The following LEO1 variants were observed in gnomAD, a reference collection of about 807,000 sequenced individuals.
The protein encoded by LEO1 is LEO1 component of Paf1/RNA polymerase II complex.
LEO1 carries 34 observed loss-of-function variants against 80.4 expected under a neutral mutation model. The ratio of observed to expected loss-of-function variants is 0.42; its 90% CI spans 0.32 to 0.56. The LOEUF is 0.56. Among genes scored for constraint, LEO1 ranks in the 20% least tolerant of loss-of-function variants. LEO1 has a pLI of 0.10. For synonymous variants in LEO1, 262 were observed against 274.9 expected (o/e 0.95, Z 0.46); for missense variants, 631 against 814.2 (o/e 0.77, Z 2.74).
chr15:51,938,279 T>G lies in LEO1; in HGVS notation c.1897-19A>C, dbSNP rs2056818342. The G allele has an allele frequency of 7.3e-7, 1 of 1,374,830 alleles. No individual in the cohort carries two copies. Among genetic ancestry groups the G allele is most frequent in the Non-Finnish European group, 1.0e-6 (1 of 982,048 alleles). The allele number at this position is 1,374,830 out of a possible 1,614,324, so 85.2% of individuals were successfully genotyped here. A position where few individuals can be genotyped will look rare whatever the true frequency, so the allele number is the denominator to read the frequency against. On this transcript the variant is annotated intron_variant, in intron 11 of 11. Transcript: ENST00000299601. ...CACCTTCCTAAACAGATACAATTTT[T>G]ACAAATCTACAAGTCAATAAAGAAC...
rs1246926207 is a variant in LEO1, at chr15:51,971,387, A to G, written c.58+301T>C. ...CAAGGCAAGGCGGAACAGGACTCCAACGTTCCTACCCGCGCTGCGCAGGCT... is the reference window on the plus strand; with the variant it reads ...CAAGGCAAGGCGGAACAGGACTCCAGCGTTCCTACCCGCGCTGCGCAGGCT... On this transcript the variant is annotated intron_variant, in intron 1 of 11. Transcript: ENST00000299601. 2.0e-5 allele frequency among the ~76,000 whole-genome samples: 3 copies of G among 152,130 alleles called. 1 individual carries two copies. The highest frequency in any genetic ancestry group is 2.9e-5 in the Non-Finnish European group (2 of 68,008).
intron 1 of LEO1, among the ~76,000 whole-genome samples, chr15:51,968,951 C>T (rs1264395731): frequency 2.0e-5 from 3 of 151,914 alleles, no homozygotes; most frequent in African/African-American, 7.3e-5. Flanking sequence ...ACAATAAAAC[C>T]AATTTCTTTG....
chr15:51,962,925 G>GCC (rs35454454), intron 2 of LEO1, among the ~76,000 whole-genome samples: 20,445 of 146,434 alleles, frequency 0.14, 1,733 homozygotes, highest in Admixed American at 0.27. Context: ...TGCAGAACAT[G>GCC]CCCCCCCCCC....
In LEO1 at chr15:51,945,262, C is replaced by CAAAAA. The variant is rs71130110; in HGVS notation, c.1896+2025_1896+2029dup. 2.7e-4 allele frequency among the ~76,000 whole-genome samples: 22 copies of CAAAAA among 80,370 alleles called. 2 individuals carry two copies. The highest frequency in any genetic ancestry group is 6.8e-4 in the African/African-American group (14 of 20,632). The allele number at this position is 80,370 out of a possible 152,430, so 52.7% of individuals were successfully genotyped here. On this transcript the variant is annotated intron_variant, in intron 11 of 11. Coordinates refer to ENST00000299601, the MANE Select transcript of LEO1 (RefSeq NM_138792.4). ...TGAAACCCCATCTCTACAAAAAATA[C>CAAAAA]AAAAAAAAAAAAAAAAAGCCTTACA...
chr15:51,956,422 C>CAAAA (rs34613118), intron 6 of LEO1, among the ~76,000 whole-genome samples: 2 of 78,540 alleles, frequency 2.5e-5, no homozygotes, highest in African/African-American at 5.5e-5. Flanking sequence ...GACTCCATCT[C>CAAAA]AAAAAAAAAA....
chr15:51,958,289 C>G (rs2057004639), intron 6 of LEO1, among the ~76,000 whole-genome samples: 1 of 126,090 alleles, frequency 7.9e-6, no homozygotes, highest in South Asian at 2.4e-4. Flanking sequence ...GACCTCATAT[C>G]TACAGAAAAA....
chr15:51,953,205 C>T lies in LEO1; in HGVS notation c.1399G>A (p.Asp467Asn). 1 of 1,613,986 alleles carries T rather than the reference C, an allele frequency of 6.2e-7. No homozygotes were observed. The highest frequency in any genetic ancestry group is 8.5e-7 in the Non-Finnish European group (1 of 1,179,842). The stretch of plus-strand genomic sequence containing the variant: ...TGTCTTATAAAAAGATGATTGTGGT[C>T]GCCCTGCAGTGGGGCTTTGTACACA... ...FDVYKAPLQG[D>N]HNHLFIRQGT... Residue 467 changes from aspartate to asparagine, a missense_variant, in exon 8 of 12, where the codon GAC (aspartate) becomes AAC (asparagine). By Grantham distance (23) the Asp-to-Asn change is conservative. Around this residue, in one of 4 missense-constraint regions of LEO1, gnomAD observed 95 missense variants for 171.7 expected, o/e 0.55. Transcript: ENST00000299601.
At chr15:51,969,838 T>TA (rs58342384) in intron 1 of LEO1, among the ~76,000 whole-genome samples, 999 of 89,924 alleles carry the variant, frequency 0.011, 15 homozygotes, top group African/African-American at 0.038. Context: ...GAGACTCCGT[T>TA]AAAAAAAAAA....
At chr15:51,939,743 GTGTGTT>G (rs2056832316) in intron 11 of LEO1, among the ~76,000 whole-genome samples, 1 of 152,186 alleles carries the variant, frequency 6.6e-6, no homozygotes, top group African/African-American at 2.4e-5. Flanking sequence ...GTGAGCCTTG[GTGTGTT>G]TGTCTTTTCA....
At chr15:51,968,052 C>T (rs2057092360) in intron 1 of LEO1, among the ~76,000 whole-genome samples, 1 of 151,680 alleles carries the variant, frequency 6.6e-6, no homozygotes, top group Non-Finnish European at 1.5e-5. Flanking sequence ...GGCATGGTGG[C>T]TTACGCCTGT....
Position 51,960,023 on chromosome 15 carries a change from C to T in LEO1, c.1036G>A (p.Asp346Asn). 1 of 1,612,808 alleles carries T rather than the reference C, an allele frequency of 6.2e-7. No homozygotes were observed. The highest frequency in any genetic ancestry group is 8.5e-7 in the Non-Finnish European group (1 of 1,179,678). Reference sequence around the variant, plus strand: ...GGAATTGGCTCCTCTTCCTGTTGATCCTGAGGCAATCCATTTTCATCCTAG... The same window carrying T: ...GGAATTGGCTCCTCTTCCTGTTGATTCTGAGGCAATCCATTTTCATCCTAG... ...QPVDENGLPQDQQEEEPIPET... is the reference protein window; with the variant it reads ...QPVDENGLPQNQQEEEPIPET... The change falls in exon 5 of 12, where the codon GAT becomes AAT. Residue 346 changes from aspartate (D) to asparagine (N), a missense_variant. This residue lies in a region of LEO1 where 95 missense variants were observed against 171.7 expected (regional missense o/e 0.55). Transcript: ENST00000299601.
intron 11 of LEO1, among the ~76,000 whole-genome samples, chr15:51,943,992 A>G (rs2141744474): frequency 6.6e-6 from 1 of 152,290 alleles, no homozygotes; most frequent in East Asian, 1.9e-4. Context: ...ACACACCAAC[A>G]TACACCTAAT....
At chr15:51,945,998 C>A (rs2056897421) in intron 11 of LEO1, among the ~76,000 whole-genome samples, 1 of 151,588 alleles carries the variant, frequency 6.6e-6, no homozygotes, top group African/African-American at 2.4e-5. Flanking sequence ...CACGCCACTG[C>A]ACTCCAGCCT....
chr15:51,951,749 G>A (rs1055479195), intron 9 of LEO1, 95 bp downstream of exon 9: 2 of 1,080,992 alleles, frequency 1.9e-6, no homozygotes, highest in Admixed American at 2.0e-5. Context: ...AGAGGAAAAG[G>A]TAGGCCAATA....
At chr15:51,952,397 TAAGA>T (rs2056956578) in intron 8 of LEO1, 1 of 151,910 alleles carries the variant, frequency 6.6e-6, no homozygotes, top group Non-Finnish European at 1.5e-5. Context: ...AAAAAGAGGT[TAAGA>T]AAGTGGCACA....
At chr15:51,952,944 A>G (rs1466658464) in intron 8 of LEO1, among the ~76,000 whole-genome samples, 185 bp downstream of exon 8, 4 of 152,224 alleles carry the variant, frequency 2.6e-5, no homozygotes, top group Non-Finnish European at 5.9e-5. Context: ...CTGGTTCCCT[A>G]AGAAACAGCA....
chr15:51,943,826 G>C (rs1010276094), intron 11 of LEO1, among the ~76,000 whole-genome samples: 1 of 150,818 alleles, frequency 6.6e-6, no homozygotes, highest in Admixed American at 6.6e-5. Flanking sequence ...ACACTGAAAG[G>C]GTAACTGAAA....
At chr15:51,944,991 C>G (rs541537142) in intron 11 of LEO1, among the ~76,000 whole-genome samples, 1 of 152,206 alleles carries the variant, frequency 6.6e-6, no homozygotes, top group East Asian at 1.9e-4. Flanking sequence ...ACCTGGGAAA[C>G]AGGTAAGGCC....
Position 51,953,182 on chromosome 15 carries a change from T to C in LEO1, c.1422A>G (p.Arg474=), listed in dbSNP as rs2056962632. 6.2e-7 allele frequency: 1 copy of C among 1,614,074 alleles called. No individual in the cohort carries two copies. The highest frequency in any genetic ancestry group is 2.2e-5 in the East Asian group (1 of 44,890). ...CTTGTCCCTGTAGACCAGTACCTTG[T>C]CTTATAAAAAGATGATTGTGGTCGC... The part of the protein sequence containing the change: ...LQGDHNHLFI[R]QGTGLQGQAV... Residue 474 remains arginine, a synonymous_variant, in exon 8 of 12, where the codon AGA becomes AGG. Coordinates refer to ENST00000299601, the MANE Select transcript of LEO1 (RefSeq NM_138792.4).
Sources: gnomAD v4.1 joint callset for allele counts (sites outside exome capture counted in the v4.1 genomes callset) on GRCh38, gnomAD v4.1.1 for gene constraint, gnomAD v4.1.1 regional missense constraint, MANE v1.5 for transcripts, NCBI Gene and HGNC (gene_info 2026-07-23, HGNC 2026-07-21) for gene names.